The following MACROD2 variants were observed in gnomAD, a reference collection of about 807,000 sequenced individuals.
MACROD2 encodes mono-ADP ribosylhydrolase 2.
In MACROD2, 36 loss-of-function variants were observed where a neutral mutation model predicts 70.4. The ratio of observed to expected loss-of-function variants is 0.51; its 90% confidence interval spans 0.39 to 0.68. The LOEUF is 0.68. Among genes scored for constraint, MACROD2 ranks in the 30% least tolerant of loss-of-function variants. The pLI, the probability that MACROD2 is intolerant of heterozygous loss-of-function variation, is 0.00. For missense variants in MACROD2, 496 were observed against 538.4 expected, an observed-to-expected ratio of 0.92 and a Z score of 0.78; for synonymous variants, 172 against 178.8, an observed-to-expected ratio of 0.96 and a Z score of 0.30.
chr20:14,462,779 T>A (rs2084387822), intron 3 of MACROD2, among the ~76,000 whole-genome samples: 1 of 152,146 alleles, frequency 6.6e-6, no homozygotes, highest in Non-Finnish European at 1.5e-5. Flanking sequence ...CAGCACCAGT[T>A]GTTAAACAGG....
intron 5 of MACROD2, among the ~76,000 whole-genome samples, chr20:14,836,151 TC>T (rs2073027388): frequency 6.6e-6 from 1 of 151,462 alleles, no homozygotes; most frequent in African/African-American, 2.4e-5. Flanking sequence ...AAGTGAGGGG[TC>T]CGTACTCAAA....
chr20:16,003,126 A>T (rs1449334598), intron 15 of MACROD2, among the ~76,000 whole-genome samples: 1 of 146,364 alleles, frequency 6.8e-6, no homozygotes, highest in Non-Finnish European at 1.5e-5. Flanking sequence ...ACACACAAAC[A>T]ATCTCTACCC....
intron 6 of MACROD2, among the ~76,000 whole-genome samples, chr20:15,241,925 C>G (rs1337844869): frequency 6.6e-6 from 1 of 152,126 alleles, no homozygotes; most frequent in African/African-American, 2.4e-5. Flanking sequence ...AGAACCAATT[C>G]TCCATTAGGT....
chr20:14,845,843 G>A (rs576094345), intron 5 of MACROD2, among the ~76,000 whole-genome samples: 1 of 152,088 alleles, frequency 6.6e-6, no homozygotes, highest in South Asian at 2.1e-4. Context: ...TGACTTGTGG[G>A]CCATTAAAAA....
At chr20:14,684,109 A>G (rs2070969184) in intron 4 of MACROD2, among the ~76,000 whole-genome samples, 1 of 152,178 alleles carries the variant, frequency 6.6e-6, no homozygotes, top group Non-Finnish European at 1.5e-5. Flanking sequence ...CACGGGCACA[A>G]AGCCTGCCCT....
At chr20:15,103,872 G>T (rs1461515556) in intron 5 of MACROD2, among the ~76,000 whole-genome samples, 1 of 152,114 alleles carries the variant, frequency 6.6e-6, no homozygotes, top group African/African-American at 2.4e-5. Context: ...AAATGTGCTA[G>T]TGCAGGAATG....
chr20:15,141,330 G>A (rs1204921534), intron 5 of MACROD2, among the ~76,000 whole-genome samples: 1 of 151,988 alleles, frequency 6.6e-6, no homozygotes, highest in African/African-American at 2.4e-5. Flanking sequence ...AGTGCATATA[G>A]TTATATATCT....
At chr20:14,880,248 C>T (rs1367139306) in intron 5 of MACROD2, among the ~76,000 whole-genome samples, 2 of 152,126 alleles carry the variant, frequency 1.3e-5, no homozygotes, top group African/African-American at 4.8e-5. Flanking sequence ...GAGCTGGGTG[C>T]TTCACTGCCA....
At chr20:15,119,563 A>G (rs1170755940) in intron 5 of MACROD2, among the ~76,000 whole-genome samples, 1 of 152,184 alleles carries the variant, frequency 6.6e-6, no homozygotes, top group Non-Finnish European at 1.5e-5. Flanking sequence ...CATTACAGAG[A>G]AAAAAAGAAA....
chr20:14,222,813 G>GGAAAAAA lies in MACROD2; in HGVS notation c.271+137085_271+137086insGAAAAAA, dbSNP rs1555938552. The stretch of plus-strand genomic sequence containing the variant: ...TTCACAGTTCAACCTTTGGATTTCT[G>GGAAAAAA]AAAAAAAAAAAAAAAAAAAAAAAAA... On this transcript the variant is annotated intron_variant, in intron 3 of 17. Coordinates refer to ENST00000684519, the MANE Select transcript of MACROD2 (RefSeq NM_001351661.2). 5.3e-5 allele frequency among the ~76,000 whole-genome samples: 7 copies of GGAAAAAA among 132,918 alleles called. 1 individual carries two copies. The highest frequency in any genetic ancestry group is 2.6e-4 in the South Asian group (1 of 3,822). The allele number at this position is 132,918 out of a possible 152,430, so 87.2% of individuals were successfully genotyped here.
chr20:15,398,645 G>A (rs2045891111), intron 6 of MACROD2, among the ~76,000 whole-genome samples: 1 of 152,162 alleles, frequency 6.6e-6, no homozygotes, highest in South Asian at 2.1e-4. Context: ...GGTTGGTATG[G>A]CTCATTAGCA....
chr20:14,409,092 G>T (rs948743022), intron 3 of MACROD2, among the ~76,000 whole-genome samples: 1 of 150,776 alleles, frequency 6.6e-6, no homozygotes, highest in Non-Finnish European at 1.5e-5. Context: ...TTACTTTGCC[G>T]TGGGCTGTCT....
intron 5 of MACROD2, among the ~76,000 whole-genome samples, chr20:15,229,095 TG>T (rs35800489): frequency 6.6e-6 from 1 of 152,146 alleles, no homozygotes; most frequent in African/African-American, 2.4e-5. Flanking sequence ...GATTAAAACG[TG>T]GGGTTTTTCT....
intron 6 of MACROD2, among the ~76,000 whole-genome samples, chr20:15,279,888 T>C (rs1315193006): frequency 1.3e-5 from 2 of 152,198 alleles, no homozygotes; most frequent in African/African-American, 4.8e-5. Context: ...AATAAAATTT[T>C]CTTTTGGTAA....
At chr20:15,823,601 C>T (rs1304017475) in intron 8 of MACROD2, among the ~76,000 whole-genome samples, 5 of 152,128 alleles carry the variant, frequency 3.3e-5, no homozygotes, top group African/African-American at 7.2e-5. Flanking sequence ...GTCATCACGG[C>T]GTTCGTAAGT....
chr20:15,332,889 T>A lies in MACROD2; in HGVS notation c.541-98516T>A, dbSNP rs147005896. On this transcript the variant is annotated intron_variant, in intron 6 of 17. Transcript: ENST00000684519. Reference sequence around the variant, plus strand: ...GAAGTTAGAATGGAGGAGAAATTACTGGCAGGAAACTCAGAAGTCTGCCTT... The same window carrying A: ...GAAGTTAGAATGGAGGAGAAATTACAGGCAGGAAACTCAGAAGTCTGCCTT... Among the ~76,000 whole-genome samples the A allele has an allele frequency of 9.5e-4, 144 of 151,702 alleles. 8 individuals carry two copies. The highest frequency in any genetic ancestry group is 3.4e-3 in the African/African-American group (141 of 41,058).
chr20:15,665,923 A>G (rs1342896291), intron 8 of MACROD2, among the ~76,000 whole-genome samples: 2 of 152,154 alleles, frequency 1.3e-5, no homozygotes, highest in Non-Finnish European at 2.9e-5. Flanking sequence ...CTGACGTCCC[A>G]GATCTTCATC....
chr20:14,744,603 T>G (rs778296856), intron 5 of MACROD2, among the ~76,000 whole-genome samples: 3 of 152,160 alleles, frequency 2.0e-5, no homozygotes, highest in Non-Finnish European at 4.4e-5. Context: ...ACACATTGAG[T>G]AGGCCCCTCC....
In MACROD2 at chr20:14,698,357, A is replaced by G. The variant is rs148170942; in HGVS notation, c.418+13398A>G. On this transcript the variant is annotated intron_variant, in intron 5 of 17. Coordinates refer to ENST00000684519, the MANE Select transcript of MACROD2 (RefSeq NM_001351661.2). ...AACCTCTTTGTGCCTCCGTTTTGCT[A>G]TCGGGAAATAGGTATGACAATCACC... 4.6e-3 allele frequency among the ~76,000 whole-genome samples: 697 copies of G among 152,250 alleles called. 4 individuals are homozygous for G. The highest frequency in any genetic ancestry group is 0.015 in the African/African-American group (616 of 41,542).
Sources: gnomAD v4.1 joint callset for allele counts (sites outside exome capture counted in the v4.1 genomes callset) on GRCh38, gnomAD v4.1.1 for gene constraint, MANE v1.5 for transcripts, NCBI Gene and HGNC (gene_info 2026-07-23, HGNC 2026-07-21) for gene names.